NR3C2: variants seen among roughly 807,000 people sequenced by gnomAD.
The protein encoded by NR3C2 is nuclear receptor subfamily 3 group C member 2.
NR3C2 carries 15 observed loss-of-function variants against 86.4 expected under a neutral mutation model. The observed-to-expected ratio is 0.17, with a 90% confidence interval of 0.12 to 0.27. The LOEUF (loss-of-function observed/expected upper bound fraction) is 0.27, where lower values mean the gene tolerates loss of function less well. NR3C2 is among the 10% of genes least tolerant of loss of function. The pLI is 1.00. For synonymous variants in NR3C2, 458 were observed against 450.5 expected (o/e 1.02, Z -0.21); for missense variants, 960 against 1,195.6 (o/e 0.80, Z 2.91).
intron 3 of NR3C2, among the ~76,000 whole-genome samples, chr4:148,219,211 T>C (rs1224580264): frequency 1.3e-5 from 2 of 152,228 alleles, no homozygotes; most frequent in East Asian, 1.9e-4. Context: ...CCTTAATGAC[T>C]AAAGACATTG....
chr4:148,291,390 C>T (rs1026047056), intron 2 of NR3C2, among the ~76,000 whole-genome samples: 14 of 151,962 alleles, frequency 9.2e-5, no homozygotes, highest in African/African-American at 2.9e-4. Context: ...TCTGTACTTA[C>T]GTTTTAGTCA....
At chr4:148,200,017 A>C (rs1579004144) in intron 3 of NR3C2, among the ~76,000 whole-genome samples, 2 of 152,244 alleles carry the variant, frequency 1.3e-5, no homozygotes, top group Admixed American at 6.5e-5. Flanking sequence ...GTTCTAGAGA[A>C]ATGTTCATAC....
chr4:148,176,712 C>T (rs1354264276), intron 4 of NR3C2, among the ~76,000 whole-genome samples: 5 of 152,260 alleles, frequency 3.3e-5, no homozygotes, highest in Admixed American at 2.0e-4. Context: ...GCAAGGCCAG[C>T]GCCTACCTTC....
intron 6 of NR3C2, among the ~76,000 whole-genome samples, chr4:148,130,097 C>T (rs978369732): frequency 1.3e-5 from 2 of 152,080 alleles, no homozygotes; most frequent in African/African-American, 4.8e-5. Flanking sequence ...ATGCTCAATG[C>T]TTTTGGAAAG....
At chr4:148,432,017 A>G (rs1749821786) in intron 2 of NR3C2, among the ~76,000 whole-genome samples, 1 of 152,154 alleles carries the variant, frequency 6.6e-6, no homozygotes, top group South Asian at 2.1e-4. Flanking sequence ...AACTAATATT[A>G]AATTAGTTTA....
chr4:148,387,469 A>G (rs1289831133), intron 2 of NR3C2, among the ~76,000 whole-genome samples: 2 of 152,346 alleles, frequency 1.3e-5, no homozygotes, highest in East Asian at 3.9e-4. Context: ...TTATGGATAT[A>G]TCACATGTTA....
intron 2 of NR3C2, among the ~76,000 whole-genome samples, chr4:148,260,731 AC>A (rs1175141052): frequency 2.0e-5 from 3 of 152,228 alleles, no homozygotes; most frequent in Admixed American, 6.5e-5. Context: ...CAATAATAAA[AC>A]AAAAAACCAA....
intron 2 of NR3C2, among the ~76,000 whole-genome samples, chr4:148,371,529 A>G (rs1050349187): frequency 6.6e-6 from 1 of 152,082 alleles, no homozygotes; most frequent in Non-Finnish European, 1.5e-5. Flanking sequence ...AAATAACCAT[A>G]TCCCATGTTA....
intron 4 of NR3C2, among the ~76,000 whole-genome samples, chr4:148,181,998 C>T (rs776440576): frequency 3.9e-5 from 6 of 152,128 alleles, no homozygotes; most frequent in Non-Finnish European, 8.8e-5. Flanking sequence ...ACATGCTAAC[C>T]AACTAATCAG....
At chr4:148,444,656 T>A, upstream of NR3C2, 2 of 985,646 alleles carry the variant, frequency 2.0e-6, no homozygotes, top group Non-Finnish European at 2.4e-6. Flanking sequence ...AGGATGATAA[T>A]CCCGGCAGTG....
intron 8 of NR3C2, among the ~76,000 whole-genome samples, chr4:148,109,001 G>A (rs908901564): frequency 2.6e-5 from 4 of 152,116 alleles, no homozygotes; most frequent in African/African-American, 4.8e-5. Flanking sequence ...GCCTAAAAAC[G>A]AGCAGCTGCT....
At chr4:148,402,897 T>C (rs992247180) in intron 2 of NR3C2, among the ~76,000 whole-genome samples, 3 of 152,100 alleles carry the variant, frequency 2.0e-5, no homozygotes, top group Non-Finnish European at 4.4e-5. Flanking sequence ...AGTAAATTTA[T>C]AGAAAAGTCT....
chr4:148,344,697 T>G (rs1744907532), intron 2 of NR3C2, among the ~76,000 whole-genome samples: 2 of 152,182 alleles, frequency 1.3e-5, no homozygotes, highest in Non-Finnish European at 2.9e-5. Context: ...TTCAACATGC[T>G]TAACATTATC....
chr4:148,082,400 G>A (rs1730606031), intron 8 of NR3C2, among the ~76,000 whole-genome samples: 1 of 152,178 alleles, frequency 6.6e-6, no homozygotes, highest in African/African-American at 2.4e-5. Flanking sequence ...GACGGTGGGT[G>A]TAGCCCACAG....
chr4:148,181,098 T>C (rs1272868793), intron 4 of NR3C2, among the ~76,000 whole-genome samples: 1 of 152,178 alleles, frequency 6.6e-6, no homozygotes, highest in Non-Finnish European at 1.5e-5. Flanking sequence ...CTAAACTCAG[T>C]GATTTCTGAG....
At chr4:148,161,546 G>T (rs961068611) in intron 4 of NR3C2, among the ~76,000 whole-genome samples, 1 of 151,952 alleles carries the variant, frequency 6.6e-6, no homozygotes, top group African/African-American at 2.4e-5. Context: ...GTAGAGGCGG[G>T]GTTTTACCAT....
intron 3 of NR3C2, among the ~76,000 whole-genome samples, chr4:148,241,219 T>C (rs1048537435): frequency 3.2e-5 from 4 of 126,906 alleles, no homozygotes; most frequent in African/African-American, 1.2e-4. Flanking sequence ...GGCAGGAGAA[T>C]CACTGGAACC....
At chr4:148,395,559 A>T (rs749182218) in intron 2 of NR3C2, among the ~76,000 whole-genome samples, 4 of 152,248 alleles carry the variant, frequency 2.6e-5, no homozygotes, top group Non-Finnish European at 5.9e-5. Flanking sequence ...CTGTGATTGA[A>T]GCAGATAATA....
intron 3 of NR3C2, among the ~76,000 whole-genome samples, chr4:148,253,381 G>A (rs953611897): frequency 1.3e-5 from 2 of 152,144 alleles, no homozygotes; most frequent in African/African-American, 2.4e-5. Flanking sequence ...CAGCAAAAAT[G>A]GTGAATCATC....
Sources: gnomAD v4.1 joint callset for allele counts (sites outside exome capture counted in the v4.1 genomes callset) on GRCh38, gnomAD v4.1.1 for gene constraint, MANE v1.5 for transcripts, NCBI Gene and HGNC (gene_info 2026-07-23, HGNC 2026-07-21) for gene names.